ATG4C: variants seen among roughly 807,000 people sequenced by gnomAD.
ATG4C encodes the protein cysteine protease ATG4C.
Under a neutral mutation model 57.6 loss-of-function variants are expected in ATG4C, and 56 were observed. That is an observed-to-expected ratio of 0.97 (90% CI 0.78 to 1.21). ATG4C has a LOEUF of 1.21. Ranked by LOEUF, ATG4C falls within the 50% of genes most tolerant of loss-of-function variation. ATG4C has a pLI of 0.00. For missense variants in ATG4C, 595 were observed against 529.8 expected, an observed-to-expected ratio of 1.12 and a Z score of -1.21; for synonymous variants, 157 against 174.1, an observed-to-expected ratio of 0.90 and a Z score of 0.78.
chr1:62,858,948 A>G (rs1478671353), intron 10 of ATG4C, among the ~76,000 whole-genome samples: 1 of 152,218 alleles, frequency 6.6e-6, no homozygotes, highest in East Asian at 1.9e-4. Context: ...ATATACAGTC[A>G]TACATTGCTT....
chr1:62,793,127 T>C (rs1378112059), intron 1 of ATG4C, among the ~76,000 whole-genome samples: 5 of 151,176 alleles, frequency 3.3e-5, no homozygotes, highest in Non-Finnish European at 5.9e-5. Flanking sequence ...ACCTCATGAT[T>C]CGCCCGCCTC....
chr1:62,829,380 A>G (rs895762208), intron 7 of ATG4C, among the ~76,000 whole-genome samples: 2 of 152,136 alleles, frequency 1.3e-5, no homozygotes, highest in Admixed American at 6.6e-5. Flanking sequence ...TAACAAAATG[A>G]AAAGCCTTTT....
At chr1:62,801,505 G>C (rs1054893633) in intron 1 of ATG4C, among the ~76,000 whole-genome samples, 10 of 152,184 alleles carry the variant, frequency 6.6e-5, no homozygotes, top group African/African-American at 2.4e-4. Context: ...GGGCGTGGTG[G>C]CTCGCGCCTG....
rs1368123707 is a variant in ATG4C at position 62,803,744 on chromosome 1, G to C, written c.-43G>C. The C allele has an allele frequency of 8.0e-6, 11 of 1,380,238 alleles. No individual in the cohort carries two copies. Among genetic ancestry groups the C allele is most frequent in the Non-Finnish European group, 1.0e-5 (10 of 987,158 alleles). The allele number at this position is 1,380,238 out of a possible 1,614,324, so 85.5% of individuals were successfully genotyped here. ...TCAGTATAAAAGATTAAACTCTACA[G>C]AAGAATGCAATCAAGTGATGGCTTT... On this transcript the variant is annotated 5_prime_UTR_variant, in exon 2 of 11. Transcript: ENST00000317868.
Position 62,864,275 on chromosome 1 carries a change from A to T in ATG4C, c.*116A>T. ...AATATCTTAATTTTATATGTTCTTT[A>T]AAAAAGAACATTTGAAAATATAACA... On this transcript the variant is annotated 3_prime_UTR_variant, in exon 11 of 11. Transcript: ENST00000317868. 2 of 823,874 alleles carry T rather than the reference A, an allele frequency of 2.4e-6. No homozygotes were observed. Among genetic ancestry groups the T allele is most frequent in the Non-Finnish European group, 3.7e-6 (2 of 547,542 alleles). The allele number at this position is 823,874 out of a possible 1,614,324, so 51.0% of individuals were successfully genotyped here.
At chr1:62,793,598 A>AG (rs1664360558) in intron 1 of ATG4C, among the ~76,000 whole-genome samples, 1 of 93,502 alleles carries the variant, frequency 1.1e-5, no homozygotes. Context: ...CCTTGTCTCG[A>AG]AAAAAAAAAA....
At chr1:62,861,408 G>A (rs1666848720) in intron 10 of ATG4C, among the ~76,000 whole-genome samples, 2 of 151,986 alleles carry the variant, frequency 1.3e-5, no homozygotes, top group Non-Finnish European at 2.9e-5. Flanking sequence ...AGCCAGGTAT[G>A]GTGGCACATA....
intron 6 of ATG4C, among the ~76,000 whole-genome samples, chr1:62,828,830 A>G (rs1665750401): frequency 6.6e-6 from 1 of 151,978 alleles, no homozygotes; most frequent in African/African-American, 2.4e-5. Context: ...ATTTTTATAT[A>G]TGGTGTAAGG....
intron 8 of ATG4C, among the ~76,000 whole-genome samples, 159 bp from the exon 9 acceptor site, chr1:62,834,617 A>G (rs1665940847): frequency 6.6e-6 from 1 of 152,066 alleles, no homozygotes; most frequent in Admixed American, 6.6e-5. Flanking sequence ...TGCAAAAGTT[A>G]ATCTATCCTG....
At chr1:62,833,525 C>T (rs1665905161) in intron 7 of ATG4C, among the ~76,000 whole-genome samples, 2 of 152,060 alleles carry the variant, frequency 1.3e-5, no homozygotes, top group Non-Finnish European at 2.9e-5. Flanking sequence ...TTTCATTACT[C>T]TTTATTTCAA....
chr1:62,850,630 C>T (rs1173836246), intron 10 of ATG4C, among the ~76,000 whole-genome samples: 8 of 151,752 alleles, frequency 5.3e-5, no homozygotes, highest in Non-Finnish European at 7.4e-5. Context: ...TCACGGGTTT[C>T]GTTTGTTTCC....
intron 10 of ATG4C, 81 bp from the exon 11 acceptor site, chr1:62,863,911 G>A: frequency 2.0e-6 from 2 of 1,017,670 alleles, no homozygotes; most frequent in South Asian, 1.8e-5. Context: ...GAGGTTCAGG[G>A]CTAAAACAGT....
chr1:62,855,746 C>T (rs1340766616), intron 10 of ATG4C, among the ~76,000 whole-genome samples: 1 of 152,168 alleles, frequency 6.6e-6, no homozygotes, highest in Non-Finnish European at 1.5e-5. Context: ...AGGAATCTTA[C>T]ATTTAGAAAG....
At chr1:62,800,407 C>T (rs1449354091) in intron 1 of ATG4C, among the ~76,000 whole-genome samples, 1 of 152,108 alleles carries the variant, frequency 6.6e-6, no homozygotes, top group African/African-American at 2.4e-5. Context: ...GTACTTCTTT[C>T]TTACTTTCTA....
chr1:62,824,669 CTT>C (rs397862637), intron 6 of ATG4C, among the ~76,000 whole-genome samples: 29 of 135,454 alleles, frequency 2.1e-4, no homozygotes, highest in Non-Finnish European at 2.5e-4. Flanking sequence ...CTCTCTCTCT[CTT>C]TTTTTTTTTT....
At chr1:62,828,000 T>C (rs1665720738) in intron 6 of ATG4C, among the ~76,000 whole-genome samples, 1 of 152,234 alleles carries the variant, frequency 6.6e-6, no homozygotes, top group Non-Finnish European at 1.5e-5. Flanking sequence ...CATTCTTTTT[T>C]ATGGCTGCAT....
At chr1:62,853,286 G>A (rs1235217111) in intron 10 of ATG4C, among the ~76,000 whole-genome samples, 1 of 151,054 alleles carries the variant, frequency 6.6e-6, no homozygotes, top group Non-Finnish European at 1.5e-5. Flanking sequence ...CCTAATTGCT[G>A]TGTACCTTTA....
At chr1:62,850,893 T>TAC in intron 10 of ATG4C, among the ~76,000 whole-genome samples, 1 of 73,602 alleles carries the variant, frequency 1.4e-5, no homozygotes, top group East Asian at 3.9e-4. Flanking sequence ...TATATATATA[T>TAC]ATATATATAC....
At chr1:62,836,874 T>C (rs1052711442) in intron 9 of ATG4C, among the ~76,000 whole-genome samples, 2 of 152,054 alleles carry the variant, frequency 1.3e-5, no homozygotes, top group Non-Finnish European at 2.9e-5. Flanking sequence ...ATCTAATAGA[T>C]TGTGAAATTT....
Sources: allele counts gnomAD v4.1 joint callset (sites outside exome capture counted in the v4.1 genomes callset), GRCh38; gene constraint gnomAD v4.1.1; transcripts MANE v1.5; gene names NCBI Gene and HGNC (gene_info 2026-07-23, HGNC 2026-07-21).